CIB4: variants seen among roughly 807,000 people sequenced by gnomAD.
CIB4 encodes calcium and integrin binding family member 4.
A neutral mutation model predicts 25.8 loss-of-function variants in CIB4; 25 were observed. The ratio of observed to expected loss-of-function variants is 0.97; its 90% CI spans 0.71 to 1.35. The LOEUF (loss-of-function observed/expected upper bound fraction) is 1.35. Ranked by LOEUF, CIB4 falls within the 40% of genes most tolerant of loss-of-function variation. CIB4 has a pLI of 0.00. For missense variants in CIB4, 235 were observed against 228.2 expected, an observed-to-expected ratio of 1.03 and a Z score of -0.19; for synonymous variants, 75 against 81.4, an observed-to-expected ratio of 0.92 and a Z score of 0.42.
intron 2 of CIB4, among the ~76,000 whole-genome samples, chr2:26,635,103 A>G (rs1301395588): frequency 6.6e-6 from 1 of 152,250 alleles, no homozygotes; most frequent in Admixed American, 6.5e-5. Context: ...GGGACAACCA[A>G]TTCAAACAGA....
At chr2:26,623,716 A>G (rs1669247718) in intron 3 of CIB4, 1 of 351,684 alleles carries the variant, frequency 2.8e-6, no homozygotes, top group African/African-American at 2.1e-5. Flanking sequence ...GGAAGCCCGG[A>G]GCAGGAGGAG....
chr2:26,618,855 G>A (rs997899434), intron 3 of CIB4, among the ~76,000 whole-genome samples: 2 of 152,160 alleles, frequency 1.3e-5, no homozygotes, highest in Non-Finnish European at 2.9e-5. Context: ...AGATGCTGAC[G>A]GGCATGACCA....
At position 26,627,744 on chromosome 2, in the gene CIB4, C is replaced by T. The variant is rs1345653842; in HGVS notation, c.186+1666G>A. The stretch of plus-strand genomic sequence containing the variant: ...TTCCCCTCCAGAATCCCAGCTTCTC[C>T]CAGCTACCCCCACCCACCTACCCAC... On this transcript the variant is annotated intron_variant, in intron 3 of 6. Coordinates refer to ENST00000288861, the MANE Select transcript of CIB4 (RefSeq NM_001029881.3). This position sits in a 1 kb window ranked among gnomAD's most constrained non-coding sequence, Gnocchi z 4.0. Among the ~76,000 whole-genome samples, 2 of 152,156 alleles carry T rather than the reference C, an allele frequency of 1.3e-5. No individual in the cohort carries two copies. The highest frequency in any genetic ancestry group is 2.9e-5 in the Non-Finnish European group (2 of 68,018).
At position 26,601,227 on chromosome 2, in the gene CIB4, AAAAAATATATAT is replaced by A. The variant is rs1486005834; in HGVS notation, c.187-5922_187-5911del. ...AGAGTGAGACCATGTCAAAAAAAAA[AAAAAATATATAT>A]ATATATATATATATATATATATATA... On this transcript the variant is annotated intron_variant, in intron 3 of 6. Transcript: ENST00000288861. Among the ~76,000 whole-genome samples, 222 of 44,370 alleles carry A rather than the reference AAAAAATATATAT, an allele frequency of 5.0e-3. 5 individuals are homozygous for A. The highest frequency in any genetic ancestry group is 0.047 in the East Asian group (49 of 1,046). The allele number at this position is 44,370 out of a possible 152,430, so 29.1% of individuals were successfully genotyped here.
intron 2 of CIB4, among the ~76,000 whole-genome samples, chr2:26,631,977 G>A (rs987593525): frequency 9.2e-5 from 14 of 152,212 alleles, no homozygotes; most frequent in African/African-American, 3.4e-4. Context: ...CTTCTGAACA[G>A]TTCCTTCACT....
Position 26,581,253 on chromosome 2 carries a change from G to C in CIB4, c.*110C>G. ...CTAATAAACAATATTCTAGAGGTGA[G>C]TGTGGGCCCAGTACAAAGTCATACT... On this transcript the variant is annotated 3_prime_UTR_variant, in exon 7 of 7. Transcript: ENST00000288861. 1.2e-6 allele frequency: 1 copy of C among 843,410 alleles called. No homozygotes were observed. The highest frequency in any genetic ancestry group is 2.0e-6 in the Non-Finnish European group (1 of 489,808). 52.2% of individuals were successfully genotyped at this position (843,410 alleles called of 1,614,324 possible). A position where few individuals can be genotyped will look rare whatever the true frequency, so the allele number is the denominator to read the frequency against.
At position 26,603,781 on chromosome 2, in the gene CIB4, T is replaced by C. The variant is rs749326964; in HGVS notation, c.187-8464A>G. Among the ~76,000 whole-genome samples, 13 of 152,124 alleles carry C rather than the reference T, an allele frequency of 8.5e-5. 1 individual carries two copies. Among genetic ancestry groups the C allele is most frequent in the South Asian group, 4.1e-4 (2 of 4,836 alleles). ...CGGAGGCTGAGGCAGGCAGATCACT[T>C]GAGCCCAGGAGTTCAAGACCAGCCT... On this transcript the variant is annotated intron_variant, in intron 3 of 6. Coordinates refer to ENST00000288861, the MANE Select transcript of CIB4 (RefSeq NM_001029881.3).
intron 3 of CIB4, among the ~76,000 whole-genome samples, chr2:26,597,262 C>A (rs1668698503): frequency 1.3e-5 from 2 of 152,166 alleles, no homozygotes; most frequent in South Asian, 4.1e-4. Flanking sequence ...ATACTTTCCA[C>A]TTAGTGTAAG....
At chr2:26,616,516 G>A (rs1191211225) in intron 3 of CIB4, among the ~76,000 whole-genome samples, 1 of 152,198 alleles carries the variant, frequency 6.6e-6, no homozygotes, top group Non-Finnish European at 1.5e-5. Context: ...GCCTGGCTTG[G>A]GGACTTGGGA....
chr2:26,619,481 G>A (rs578199933), intron 3 of CIB4, among the ~76,000 whole-genome samples: 5 of 152,268 alleles, frequency 3.3e-5, no homozygotes, highest in African/African-American at 4.8e-5. Context: ...ACTGCACATC[G>A]GAAAGGCAGG....
chr2:26,600,265 C>T (rs1490804545), intron 3 of CIB4, among the ~76,000 whole-genome samples: 2 of 151,006 alleles, frequency 1.3e-5, no homozygotes, highest in East Asian at 2.0e-4. Flanking sequence ...ATTAGCCAGG[C>T]GTGGTGGTGA....
intron 2 of CIB4, among the ~76,000 whole-genome samples, chr2:26,635,021 G>T (rs1669504960): frequency 6.6e-6 from 1 of 152,258 alleles, no homozygotes; most frequent in Non-Finnish European, 1.5e-5. Flanking sequence ...GGTCTGCAGG[G>T]TCTGCACGGT....
intron 3 of CIB4, among the ~76,000 whole-genome samples, chr2:26,618,926 A>G (rs1372312499): frequency 6.6e-6 from 1 of 152,220 alleles, no homozygotes; most frequent in Non-Finnish European, 1.5e-5. Flanking sequence ...GGGTGAGACC[A>G]TCTGGGCCCC....
At chr2:26,605,776 A>G (rs1415337660) in intron 3 of CIB4, among the ~76,000 whole-genome samples, 1 of 152,218 alleles carries the variant, frequency 6.6e-6, no homozygotes, top group Non-Finnish European at 1.5e-5. Context: ...CGATATTATC[A>G]CTTCATTTTA....
intron 3 of CIB4, among the ~76,000 whole-genome samples, chr2:26,595,538 T>G (rs1668666446): frequency 6.6e-6 from 1 of 152,238 alleles, no homozygotes; most frequent in Non-Finnish European, 1.5e-5. Context: ...TTCACAAGAT[T>G]CCTGCAAGGA....
At chr2:26,638,575 G>A (rs1572577382) in intron 2 of CIB4, among the ~76,000 whole-genome samples, 1 of 152,190 alleles carries the variant, frequency 6.6e-6, no homozygotes, top group South Asian at 2.1e-4. Flanking sequence ...GTTAGAAAGA[G>A]GGGCAGGCAT....
rs56799418 is a variant in CIB4, at chr2:26,639,194, C to CT, written c.89+1338dup. Among the ~76,000 whole-genome samples, 330 of 141,788 alleles carry CT rather than the reference C, an allele frequency of 2.3e-3. 2 individuals carry two copies. Among genetic ancestry groups the CT allele is most frequent in the African/African-American group, 6.5e-3 (255 of 39,032 alleles). 93.0% of individuals were successfully genotyped at this position (141,788 alleles called of 152,430 possible). A position where few individuals can be genotyped will look rare whatever the true frequency, so the allele number is the denominator to read the frequency against. Reference sequence around the variant, plus strand: ...AGAACTTTTACACTATTTGAATTTTCTTTTTTTTTTTTTAAATTATATTTT... The same window carrying CT: ...AGAACTTTTACACTATTTGAATTTTCTTTTTTTTTTTTTTAAATTATATTTT... On this transcript the variant is annotated intron_variant, in intron 2 of 6. Coordinates refer to ENST00000288861, the MANE Select transcript of CIB4 (RefSeq NM_001029881.3).
chr2:26,607,425 A>G (rs1378158786), intron 3 of CIB4, among the ~76,000 whole-genome samples: 1 of 152,250 alleles, frequency 6.6e-6, no homozygotes. Context: ...CGTATTGTAG[A>G]TAAATATCTA....
At chr2:26,628,086 C>T (rs1669342917) in intron 3 of CIB4, among the ~76,000 whole-genome samples, 1 of 152,122 alleles carries the variant, frequency 6.6e-6, no homozygotes, top group South Asian at 2.1e-4. Flanking sequence ...TGCCAAGAAC[C>T]GAATGAAAAA....
Sources: gnomAD v4.1 joint callset for allele counts (sites outside exome capture counted in the v4.1 genomes callset) on GRCh38, gnomAD v4.1.1 for gene constraint, Gnocchi (gnomAD v3.1) non-coding constraint, MANE v1.5 for transcripts, NCBI Gene and HGNC (gene_info 2026-07-23, HGNC 2026-07-21) for gene names.